TRPC4AP: variants seen among roughly 807,000 people sequenced by gnomAD.
TRPC4AP encodes the protein short transient receptor potential channel 4-associated protein.
TRPC4AP carries 45 observed loss-of-function variants against 99.0 expected under a neutral mutation model. The observed-to-expected ratio is 0.45, with a 90% CI of 0.36 to 0.58. The LOEUF is 0.58. Ranked by LOEUF, TRPC4AP falls within the 20% of genes least tolerant of loss-of-function variation. The pLI, the probability that TRPC4AP is intolerant of heterozygous loss-of-function variation, is 0.00. For missense variants in TRPC4AP, 879 were observed against 985.3 expected (o/e 0.89, Z 1.44); for synonymous variants, 408 against 385.8 (o/e 1.06, Z -0.67).
At chr20:35,058,274 A>C (rs2083890858) in intron 3 of TRPC4AP, among the ~76,000 whole-genome samples, 1 of 152,254 alleles carries the variant, frequency 6.6e-6, no homozygotes, top group African/African-American at 2.4e-5. Flanking sequence ...CGAGCAAAGA[A>C]ATAGAAGACT....
At chr20:35,049,516 A>AT (rs1326819349) in intron 6 of TRPC4AP, among the ~76,000 whole-genome samples, 2 of 152,248 alleles carry the variant, frequency 1.3e-5, no homozygotes, top group African/African-American at 4.8e-5. Flanking sequence ...GAGTCACTGC[A>AT]TAGCATACAA....
At position 35,069,424 on chromosome 20, in the gene TRPC4AP, A is replaced by G; in HGVS notation, c.298-12T>C. Reference sequence around the variant, plus strand: ...AGAGGAGAAATTTCCTAGTTTTTTTAAAAAAAAGTACATACATTGTTTTAG... The same window carrying G: ...AGAGGAGAAATTTCCTAGTTTTTTTGAAAAAAAGTACATACATTGTTTTAG... On this transcript the variant is annotated splice_polypyrimidine_tract_variant and intron_variant, in intron 2 of 18. Coordinates refer to ENST00000252015, the MANE Select transcript of TRPC4AP (RefSeq NM_015638.3). The G allele has an allele frequency of 6.7e-7, 1 of 1,501,980 alleles. No individual in the cohort carries two copies. Among genetic ancestry groups the G allele is most frequent in the South Asian group, 1.1e-5 (1 of 87,186 alleles). The allele number at this position is 1,501,980 out of a possible 1,614,324, so 93.0% of individuals were successfully genotyped here. A position where few individuals can be genotyped will look rare whatever the true frequency, so the allele number is the denominator to read the frequency against.
At chr20:35,021,525 G>C (rs1194433292) in intron 8 of TRPC4AP, among the ~76,000 whole-genome samples, 169 bp from the exon 9 acceptor site, 1 of 152,228 alleles carries the variant, frequency 6.6e-6, no homozygotes, top group East Asian at 1.9e-4. Flanking sequence ...CAGGAGCCAG[G>C]TGAGCGCAGA....
At chr20:35,075,411 A>T (rs1460662415) in intron 2 of TRPC4AP, among the ~76,000 whole-genome samples, 1 of 152,084 alleles carries the variant, frequency 6.6e-6, no homozygotes, top group Non-Finnish European at 1.5e-5. Context: ...GTTCCTTTCC[A>T]TGTTTAGCGC....
At chr20:35,044,301 G>T (rs969619947) in intron 7 of TRPC4AP, among the ~76,000 whole-genome samples, 7 of 151,426 alleles carry the variant, frequency 4.6e-5, no homozygotes, top group African/African-American at 1.7e-4. Flanking sequence ...TGAGGTGGGA[G>T]GATCACCTGA....
chr20:35,052,933 T>C (rs1329747692), intron 5 of TRPC4AP, among the ~76,000 whole-genome samples: 13 of 152,294 alleles, frequency 8.5e-5, no homozygotes, highest in East Asian at 3.9e-4. Context: ...CCTGGAGGCA[T>C]TGGTGTTTGC....
At chr20:35,035,731 CAAT>C (rs2083302000) in intron 7 of TRPC4AP, among the ~76,000 whole-genome samples, 1 of 152,128 alleles carries the variant, frequency 6.6e-6, no homozygotes, top group Non-Finnish European at 1.5e-5. Context: ...TAATTAAATA[CAAT>C]GACACATTTA....
intron 3 of TRPC4AP, among the ~76,000 whole-genome samples, chr20:35,059,464 A>T (rs974457737): frequency 1.3e-5 from 2 of 152,086 alleles, no homozygotes; most frequent in Non-Finnish European, 2.9e-5. Flanking sequence ...GATTGAGACC[A>T]CCCTGGCCAA....
rs1176461079 is a variant in TRPC4AP at position 35,086,525 on chromosome 20, ATGTGTGTGTGTGTGTGTGTGTGTGTG to A, written c.168+6063_168+6088del. Among the ~76,000 whole-genome samples, 38 of 69,240 alleles carry A rather than the reference ATGTGTGTGTGTGTGTGTGTGTGTGTG, an allele frequency of 5.5e-4. 2 individuals are homozygous for A. The highest frequency in any genetic ancestry group is 2.7e-3 in the East Asian group (6 of 2,228). The allele number at this position is 69,240 out of a possible 152,430, so 45.4% of individuals were successfully genotyped here. On this transcript the variant is annotated intron_variant, in intron 1 of 18. Coordinates refer to ENST00000252015, the MANE Select transcript of TRPC4AP (RefSeq NM_015638.3). Reference sequence around the variant, plus strand: ...TATATATATGTGTGTGTGTGTATATATGTGTGTGTGTGTGTGTGTGTGTGTGTGTGTGTGTGTGTGTGTGTGTGTGT... The same window carrying A: ...TATATATATGTGTGTGTGTGTATATATGTGTGTGTGTGTGTGTGTGTGTGT...
chr20:35,084,610 ATATATGTTTATATG>A lies in TRPC4AP; in HGVS notation c.169-6450_169-6437del, dbSNP rs1569155071. ...TTTATATGCATATATGTGTATATGT[ATATATGTTTATATG>A]CATATATGTGTATATGTATGTATGT... On this transcript the variant is annotated intron_variant, in intron 1 of 18. Coordinates refer to ENST00000252015, the MANE Select transcript of TRPC4AP (RefSeq NM_015638.3). Among the ~76,000 whole-genome samples the A allele has an allele frequency of 7.9e-4, 86 of 108,516 alleles. 5 individuals carry two copies. Among genetic ancestry groups the A allele is most frequent in the Admixed American group, 5.4e-3 (56 of 10,428 alleles). 71.2% of individuals were successfully genotyped at this position (108,516 alleles called of 152,430 possible).
rs2082602251 is a variant in TRPC4AP, at chr20:35,010,197, T to C, written c.1501A>G (p.Asn501Asp). ...ANIPEVEAVL[N>D]TDRSLVCDGK... ...CACCCCTGCACTCACCTGTCGGTGTTGAGGACAGCTTCCACCTCAGGGATG... is the reference window on the plus strand; with the variant it reads ...CACCCCTGCACTCACCTGTCGGTGTCGAGGACAGCTTCCACCTCAGGGATG... The change falls in exon 12 of 19, where the codon AAC becomes GAC. Residue 501 changes from asparagine to aspartate, a missense_variant. Coordinates refer to ENST00000252015, the MANE Select transcript of TRPC4AP (RefSeq NM_015638.3). 5 of 1,613,970 alleles carry C rather than the reference T, an allele frequency of 3.1e-6. No homozygotes were observed. Among genetic ancestry groups the C allele is most frequent in the Non-Finnish European group, 3.4e-6 (4 of 1,180,014 alleles).
At position 35,028,211 on chromosome 20, in the gene TRPC4AP, C is replaced by CTTTT. The variant is rs71196775; in HGVS notation, c.1052-6859_1052-6856dup. On this transcript the variant is annotated intron_variant, in intron 8 of 18. Transcript: ENST00000252015. ...ATTTTCATTTGTCTCAAAATATTTC[C>CTTTT]TTTTTTTTTTTTGATGGAATCTCAC... 6.1e-5 allele frequency among the ~76,000 whole-genome samples: 9 copies of CTTTT among 147,140 alleles called. No homozygotes were observed. The South Asian group carries it at 1.5e-3, about 24-fold the overall frequency.
At chr20:35,068,976 C>CAA (rs1204211219) in intron 3 of TRPC4AP, among the ~76,000 whole-genome samples, 24 of 78,972 alleles carry the variant, frequency 3.0e-4, no homozygotes, top group Admixed American at 4.7e-4. Flanking sequence ...CACACACACA[C>CAA]ACAAAAAAAA....
intron 3 of TRPC4AP, among the ~76,000 whole-genome samples, chr20:35,067,709 G>T (rs2084179270): frequency 6.6e-6 from 1 of 152,182 alleles, no homozygotes; most frequent in African/African-American, 2.4e-5. Flanking sequence ...CTACAACACA[G>T]ATGAATCTAG....
chr20:35,086,557 GTGTGTGTGTGTGTGTGTGTA>G (rs2084883944), intron 1 of TRPC4AP, among the ~76,000 whole-genome samples: 8 of 56,440 alleles, frequency 1.4e-4, no homozygotes, highest in African/African-American at 4.9e-4. Context: ...GTGTGTGTGT[GTGTGTGTGTGTGTGTGTGTA>G]TATATATATG....
intron 17 of TRPC4AP, among the ~76,000 whole-genome samples, chr20:35,004,112 C>T (rs2082460547): frequency 6.6e-6 from 1 of 152,164 alleles, no homozygotes; most frequent in Non-Finnish European, 1.5e-5. Context: ...GGGCAGGAGG[C>T]TCAGAGAAGG....
intron 6 of TRPC4AP, among the ~76,000 whole-genome samples, chr20:35,047,733 T>C (rs1600587695): frequency 6.6e-6 from 1 of 152,274 alleles, no homozygotes; most frequent in South Asian, 2.1e-4. Flanking sequence ...ACAATACAGT[T>C]TGATCTTTTC....
At chr20:35,008,243 G>A (rs547779098) in intron 13 of TRPC4AP, among the ~76,000 whole-genome samples, 1 of 152,168 alleles carries the variant, frequency 6.6e-6, no homozygotes, top group Admixed American at 6.5e-5. Context: ...ATGTATCTAA[G>A]GACCTCAGAG....
At chr20:35,044,884 C>A (rs3803937) in intron 6 of TRPC4AP, among the ~76,000 whole-genome samples, 172 bp from the exon 7 acceptor site, 88,327 of 151,842 alleles carry the variant, frequency 0.58, 26,817 homozygotes, top group Middle Eastern at 0.74. Context: ...AAAAACCTTT[C>A]GAGTCTTTGC....
Sources: allele counts gnomAD v4.1 joint callset (sites outside exome capture counted in the v4.1 genomes callset), GRCh38; gene constraint gnomAD v4.1.1; transcripts MANE v1.5; gene names NCBI Gene and HGNC (gene_info 2026-07-23, HGNC 2026-07-21).